ROCK1: variants seen among roughly 807,000 people sequenced by gnomAD.
The protein encoded by ROCK1 is Rho associated coiled-coil containing protein kinase 1.
A neutral mutation model predicts 196.8 loss-of-function variants in ROCK1; 36 were observed. The observed-to-expected ratio is 0.18, with a 90% CI of 0.14 to 0.24. The LOEUF (loss-of-function observed/expected upper bound fraction) is 0.24, where lower values mean the gene tolerates loss of function less well. Ranked by LOEUF, ROCK1 falls within the 10% of genes least tolerant of loss-of-function variation. ROCK1 has a pLI of 1.00. For missense variants in ROCK1, 920 were observed against 1,562.0 expected, an observed-to-expected ratio of 0.59 and a Z score of 6.93; for synonymous variants, 443 against 515.9, an observed-to-expected ratio of 0.86 and a Z score of 1.91.
chr18:20,997,239 T>C (rs1173115049), intron 16 of ROCK1, among the ~76,000 whole-genome samples: 2 of 152,018 alleles, frequency 1.3e-5, no homozygotes, highest in African/African-American at 2.4e-5. Flanking sequence ...ACACACTTCA[T>C]GTATAAAGGT....
chr18:20,969,288 CTAGA>C, intron 23 of ROCK1, 80 bp from the exon 24 acceptor site: 1 of 800,938 alleles, frequency 1.2e-6, no homozygotes, highest in South Asian at 1.6e-5. Context: ...AAATATACTG[CTAGA>C]TAAAGACAGG....
intron 4 of ROCK1, among the ~76,000 whole-genome samples, chr18:21,046,308 C>T (rs932296989): frequency 2.4e-4 from 36 of 152,270 alleles, no homozygotes; most frequent in African/African-American, 8.7e-4. Context: ...GACTATACTT[C>T]GTTTAACTTT....
intron 22 of ROCK1, among the ~76,000 whole-genome samples, chr18:20,975,860 C>G (rs924220598): frequency 3.9e-5 from 6 of 152,226 alleles, no homozygotes; most frequent in African/African-American, 1.4e-4. Context: ...ATCCGCCTGC[C>G]TCGGCCTCCC....
At chr18:21,027,711 T>C (rs1340343537) in intron 10 of ROCK1, among the ~76,000 whole-genome samples, 1 of 151,614 alleles carries the variant, frequency 6.6e-6, no homozygotes, top group Non-Finnish European at 1.5e-5. Context: ...TAATACTACA[T>C]TTTATAACAC....
At chr18:21,089,701 G>C (rs767342195) in intron 1 of ROCK1, among the ~76,000 whole-genome samples, 8 of 152,166 alleles carry the variant, frequency 5.3e-5, no homozygotes, top group Non-Finnish European at 8.8e-5. Flanking sequence ...GCCTACAGTT[G>C]TGCAAAATCA....
intron 8 of ROCK1, among the ~76,000 whole-genome samples, chr18:21,040,807 G>A (rs1313543010): frequency 6.6e-6 from 1 of 152,104 alleles, no homozygotes; most frequent in Non-Finnish European, 1.5e-5. Flanking sequence ...CTAATAAACA[G>A]CATAATACAA....
At chr18:21,091,616 CTATG>C (rs2036570727) in intron 1 of ROCK1, among the ~76,000 whole-genome samples, 1 of 150,450 alleles carries the variant, frequency 6.6e-6, no homozygotes, top group African/African-American at 2.4e-5. Flanking sequence ...AATTAAATAA[CTATG>C]TACATATATC....
At chr18:21,046,992 T>C (rs2036166368) in intron 4 of ROCK1, among the ~76,000 whole-genome samples, 2 of 152,260 alleles carry the variant, frequency 1.3e-5, no homozygotes, top group Admixed American at 6.5e-5. Flanking sequence ...TATTTTAATG[T>C]AAAAAATGTA....
intron 9 of ROCK1, among the ~76,000 whole-genome samples, chr18:21,037,007 A>C (rs1042852133): frequency 6.6e-6 from 1 of 152,188 alleles, no homozygotes; most frequent in African/African-American, 2.4e-5. Flanking sequence ...CGATCTTTAA[A>C]TCGTACATGG....
At chr18:20,980,106 C>T in intron 21 of ROCK1, 102 bp from the exon 22 acceptor site, 2 of 1,315,832 alleles carry the variant, frequency 1.5e-6, no homozygotes, top group Non-Finnish European at 2.0e-6. Flanking sequence ...TCCAACAATT[C>T]CACTCTCAAG....
chr18:21,031,955 G>A (rs1346802147), intron 9 of ROCK1, among the ~76,000 whole-genome samples: 10 of 152,120 alleles, frequency 6.6e-5, no homozygotes, highest in African/African-American at 2.4e-4. Context: ...GAAAAAGGAT[G>A]AAAAAGTGAA....
chr18:20,947,221 C>A lies in ROCK1; in HGVS notation c.*4163G>T, dbSNP rs183738129. ...TGGAATTAATGTTATTCTTTTCCTA[C>A]CTCACAAAAATCTGAGTTACATATA... On this transcript the variant is annotated 3_prime_UTR_variant, in exon 33 of 33. Coordinates refer to ENST00000399799, the MANE Select transcript of ROCK1 (RefSeq NM_005406.3). 6.6e-6 allele frequency: 1 copy of A among 151,800 alleles called. No homozygotes were observed. The highest frequency in any genetic ancestry group is 2.1e-4 in the South Asian group (1 of 4,824). The allele number at this position is 151,800 out of a possible 1,614,324, so 9.4% of individuals were successfully genotyped here. A position where few individuals can be genotyped will look rare whatever the true frequency, so the allele number is the denominator to read the frequency against.
In ROCK1 at chr18:20,949,652, G is replaced by A. The variant is rs901762797; in HGVS notation, c.*1732C>T. Reference sequence around the variant, plus strand: ...GCTTCCCTGATGTGTAGAAATGCAAGAGACCCATGGAGAATTGTTTTCCAA... The same window carrying A: ...GCTTCCCTGATGTGTAGAAATGCAAAAGACCCATGGAGAATTGTTTTCCAA... On this transcript the variant is annotated 3_prime_UTR_variant, in exon 33 of 33. Coordinates refer to ENST00000399799, the MANE Select transcript of ROCK1 (RefSeq NM_005406.3). 2.6e-5 allele frequency: 4 copies of A among 152,276 alleles called. No individual in the cohort carries two copies. Among genetic ancestry groups the A allele is most frequent in the African/African-American group, 9.6e-5 (4 of 41,458 alleles). The allele number at this position is 152,276 out of a possible 1,614,324, so 9.4% of individuals were successfully genotyped here.
At chr18:21,046,933 G>A (rs916004512) in intron 4 of ROCK1, among the ~76,000 whole-genome samples, 1 of 152,062 alleles carries the variant, frequency 6.6e-6, no homozygotes, top group African/African-American at 2.4e-5. Context: ...GCCTCTCAAA[G>A]TGCTCAGATT....
intron 1 of ROCK1, among the ~76,000 whole-genome samples, chr18:21,110,021 G>C (rs886878527): frequency 1.3e-5 from 2 of 151,916 alleles, no homozygotes; most frequent in African/African-American, 4.8e-5. Context: ...CATTTACAGA[G>C]GAAATGTATC....
chr18:21,058,663 C>T (rs1211065958), intron 2 of ROCK1, among the ~76,000 whole-genome samples: 14 of 152,170 alleles, frequency 9.2e-5, no homozygotes, highest in Non-Finnish European at 1.8e-4. Context: ...TCACTGCAAC[C>T]TCCACCTCGG....
intron 7 of ROCK1, 22 bp downstream of exon 7, chr18:21,042,543 A>G: frequency 1.2e-6 from 2 of 1,611,408 alleles, no homozygotes; most frequent in Non-Finnish European, 1.7e-6. Context: ...TAATAGAGAG[A>G]CATAAAATCT....
At chr18:21,035,584 C>CAT (rs2036049917) in intron 9 of ROCK1, among the ~76,000 whole-genome samples, 1 of 151,926 alleles carries the variant, frequency 6.6e-6, no homozygotes, top group Non-Finnish European at 1.5e-5. Context: ...ACAGAATATC[C>CAT]ATATATATAA....
Position 20,992,883 on chromosome 18 carries a change from T to C in ROCK1, c.1940A>G (p.Lys647Arg), listed in dbSNP as rs1380857718. ...AGCCTCTTTTCTTTCTCCTTCCACT[T>C]TTTCGAGATTATGTTTGAGATGCTT... ...EVKHLKHNLE[K>R]VEGERKEAQD... The change falls in exon 17 of 33, where the codon AAA becomes AGA. Residue 647 changes from lysine (K) to arginine (R), a missense_variant. Lys to Arg is a conservative substitution (Grantham distance 26). Around this residue, in one of 6 missense-constraint regions of ROCK1, gnomAD observed 520 missense variants for 657.1 expected, o/e 0.79. Coordinates refer to ENST00000399799, the MANE Select transcript of ROCK1 (RefSeq NM_005406.3). The C allele has an allele frequency of 1.2e-6, 2 of 1,612,932 alleles. No homozygotes were observed. The highest frequency in any genetic ancestry group is 2.2e-5 in the East Asian group (1 of 44,742).
Sources: gnomAD v4.1 joint callset for allele counts (sites outside exome capture counted in the v4.1 genomes callset) on GRCh38, gnomAD v4.1.1 for gene constraint, gnomAD v4.1.1 regional missense constraint, MANE v1.5 for transcripts, NCBI Gene and HGNC (gene_info 2026-07-23, HGNC 2026-07-21) for gene names.